The following CMSS1 variants were observed in gnomAD, a reference collection of about 807,000 sequenced individuals.
CMSS1 encodes cms1 ribosomal small subunit homolog, also known as protein CMSS1.
CMSS1 carries 33 observed loss-of-function variants against 43.5 expected under a neutral mutation model. The ratio of observed to expected loss-of-function variants is 0.76; its 90% confidence interval spans 0.57 to 1.01. The LOEUF (loss-of-function observed/expected upper bound fraction) is 1.01, where lower values mean the gene tolerates loss of function less well. Ranked by LOEUF, CMSS1 falls within the 50% of genes least tolerant of loss-of-function variation. The probability of loss-of-function intolerance (pLI) is 0.00; values close to 1 mark genes in which losing one functional copy is unlikely to be tolerated. For synonymous variants in CMSS1, 115 were observed against 117.2 expected, an observed-to-expected ratio of 0.98 and a Z score of 0.12; for missense variants, 313 against 326.4, an observed-to-expected ratio of 0.96 and a Z score of 0.32.
chr3:100,176,231 T>G, intron 8 of CMSS1, 96 bp from the exon 9 acceptor site: 1 of 811,508 alleles, frequency 1.2e-6, no homozygotes, highest in Non-Finnish European at 2.0e-6. Flanking sequence ...GAGGACAACA[T>G]ATGAGACAAA....
intron 1 of CMSS1, among the ~76,000 whole-genome samples, chr3:99,982,191 A>G (rs143029174): frequency 3.9e-5 from 6 of 152,238 alleles, no homozygotes; most frequent in African/African-American, 1.4e-4. Context: ...TGTTTTTTTA[A>G]TAGTATTGTC....
chr3:99,908,231 C>G (rs1025327099), intron 1 of CMSS1, among the ~76,000 whole-genome samples: 4 of 152,134 alleles, frequency 2.6e-5, no homozygotes, highest in African/African-American at 9.7e-5. Flanking sequence ...CTAATTTGAC[C>G]TTTTAGCAAA....
chr3:99,848,682 T>G, intron 1 of CMSS1: 3 of 1,614,158 alleles, frequency 1.9e-6, no homozygotes, highest in Non-Finnish European at 2.5e-6. Flanking sequence ...TAGGGGACAT[T>G]GTCCTTTCTG....
intron 1 of CMSS1, chr3:99,848,962 T>A (rs1943512469): frequency 1.2e-6 from 2 of 1,614,026 alleles, no homozygotes; most frequent in Non-Finnish European, 1.7e-6. Flanking sequence ...TGGAGTAACC[T>A]TTATATGAAG....
intron 1 of CMSS1, among the ~76,000 whole-genome samples, chr3:99,892,516 A>C (rs1706116090): frequency 6.6e-6 from 1 of 152,192 alleles, no homozygotes; most frequent in Non-Finnish European, 1.5e-5. Context: ...TAGACATAGC[A>C]TGTTGCCTCT....
At chr3:100,144,194 A>G (rs1048308737) in intron 1 of CMSS1, among the ~76,000 whole-genome samples, 1 of 152,116 alleles carries the variant, frequency 6.6e-6, no homozygotes, top group East Asian at 1.9e-4. Context: ...TTACTTGAAC[A>G]TATTGTAGAA....
intron 1 of CMSS1, among the ~76,000 whole-genome samples, chr3:100,008,855 G>T (rs1440852577): frequency 6.6e-6 from 1 of 152,210 alleles, no homozygotes; most frequent in Non-Finnish European, 1.5e-5. Context: ...ATGCAGCAAA[G>T]TGATTTTATT....
chr3:100,176,030 A>G (rs2067145450), intron 8 of CMSS1, among the ~76,000 whole-genome samples: 1 of 152,188 alleles, frequency 6.6e-6, no homozygotes, highest in African/African-American at 2.4e-5. Context: ...GAATGAGACT[A>G]TAGCCTCTGG....
intron 1 of CMSS1, among the ~76,000 whole-genome samples, chr3:99,939,108 A>G (rs1198447889): frequency 1.3e-5 from 2 of 152,214 alleles, no homozygotes; most frequent in Non-Finnish European, 2.9e-5. Context: ...ATTCCCAAGG[A>G]TTCTAAGTCC....
At position 100,142,667 on chromosome 3, in the gene CMSS1, T is replaced by C. The variant is rs2066814687; in HGVS notation, c.65-4306T>C. Among the ~76,000 whole-genome samples, 3 of 152,226 alleles carry C rather than the reference T, an allele frequency of 2.0e-5. No homozygotes were observed. The South Asian group carries it at 6.2e-4, about 32-fold the overall frequency. Reference sequence around the variant, plus strand: ...ACAGAGTTTCTATTTTTTAAGATCATTCATTGATTTTTAAACATTTATGGG... The same window carrying C: ...ACAGAGTTTCTATTTTTTAAGATCACTCATTGATTTTTAAACATTTATGGG... On this transcript the variant is annotated intron_variant, in intron 1 of 9. Transcript: ENST00000421999.
intron 1 of CMSS1, among the ~76,000 whole-genome samples, chr3:99,917,385 A>C (rs1706986603): frequency 6.6e-6 from 1 of 152,226 alleles, no homozygotes; most frequent in African/African-American, 2.4e-5. Flanking sequence ...AACACCAGGC[A>C]CATAGTTTGA....
intron 1 of CMSS1, among the ~76,000 whole-genome samples, chr3:99,839,125 C>T (rs1283765102): frequency 6.6e-6 from 1 of 152,118 alleles, no homozygotes; most frequent in Non-Finnish European, 1.5e-5. Flanking sequence ...CCTGTATCCC[C>T]TGCTCAATTC....
At chr3:99,823,281 C>CA (rs1942474983) in intron 1 of CMSS1, among the ~76,000 whole-genome samples, 1 of 152,172 alleles carries the variant, frequency 6.6e-6, no homozygotes. Context: ...TCCTGGAGCT[C>CA]AAAGCTTAAC....
At chr3:100,108,025 C>T (rs1253176428) in intron 1 of CMSS1, among the ~76,000 whole-genome samples, 1 of 152,030 alleles carries the variant, frequency 6.6e-6, no homozygotes, top group African/African-American at 2.4e-5. Context: ...ATGCCAAAAC[C>T]ATGAAATGAG....
intron 1 of CMSS1, chr3:99,848,500 T>C: frequency 6.2e-7 from 1 of 1,614,226 alleles, no homozygotes; most frequent in Non-Finnish European, 8.5e-7. Context: ...GATTTTATTA[T>C]CCTCAGTAGT....
chr3:100,129,612 C>G (rs942506850), intron 1 of CMSS1, among the ~76,000 whole-genome samples: 1 of 152,078 alleles, frequency 6.6e-6, no homozygotes, highest in Non-Finnish European at 1.5e-5. Flanking sequence ...TTTAAACATG[C>G]TTTTTTGTCT....
At chr3:99,947,410 C>T (rs370053855) in intron 1 of CMSS1, among the ~76,000 whole-genome samples, 330 of 152,214 alleles carry the variant, frequency 2.2e-3, no homozygotes, top group Non-Finnish European at 3.0e-3. Context: ...ATTTATGTAA[C>T]CATTCTCCTA....
intron 1 of CMSS1, among the ~76,000 whole-genome samples, chr3:100,078,694 C>A (rs1157207616): frequency 3.3e-5 from 5 of 152,094 alleles, no homozygotes; most frequent in Non-Finnish European, 5.9e-5. Flanking sequence ...AGTTCAAGAC[C>A]AGCCTAGCCA....
intron 1 of CMSS1, among the ~76,000 whole-genome samples, chr3:99,978,063 A>C (rs137907831): frequency 6.6e-6 from 1 of 152,232 alleles, no homozygotes; most frequent in African/African-American, 2.4e-5. Flanking sequence ...ACAAGCAATG[A>C]ACGTTTCAAA....
Sources: gnomAD v4.1 joint callset for allele counts (sites outside exome capture counted in the v4.1 genomes callset) on GRCh38, gnomAD v4.1.1 for gene constraint, MANE v1.5 for transcripts, NCBI Gene and HGNC (gene_info 2026-07-23, HGNC 2026-07-21) for gene names.